HMCN1: variants seen among roughly 807,000 people sequenced by gnomAD.
The protein encoded by HMCN1 is hemicentin-1.
In HMCN1, 321 loss-of-function variants were observed where a neutral mutation model predicts 625.9. The observed-to-expected ratio is 0.51, with a 90% CI of 0.47 to 0.56. The LOEUF is 0.56. Ranked by LOEUF, HMCN1 falls within the 20% of genes least tolerant of loss-of-function variation. The probability of loss-of-function intolerance (pLI) is 0.00; values close to 1 mark genes in which losing one functional copy is unlikely to be tolerated. For synonymous variants in HMCN1, 2,425 were observed against 2,417.6 expected (o/e 1.00, Z -0.09); for missense variants, 6,588 against 6,887.3 (o/e 0.96, Z 1.54).
At chr1:186,001,501 C>T in intron 27 of HMCN1, 73 bp downstream of exon 27, 1 of 1,595,656 alleles carries the variant, frequency 6.3e-7, no homozygotes, top group Non-Finnish European at 8.6e-7. Context: ...ATGTTCATTT[C>T]TTACTACTAA....
rs1211280520 is a variant in HMCN1 at position 186,000,184 on chromosome 1, T to A, written c.4014T>A (p.Cys1338Ter). The change falls in exon 26 of 107, where the codon TGT (cysteine) becomes TGA (stop). Residue 1338 changes from cysteine (C) to a stop codon, truncating the protein, a stop_gained. Coordinates refer to ENST00000271588, the MANE Select transcript of HMCN1 (RefSeq NM_031935.3). LOFTEE classifies it high-confidence loss of function. ...VTPYDNGEYICVAVNEAGTTE... is the reference protein window; with the variant it reads ...VTPYDNGEYI ...CCTATGACAATGGGGAGTACATCTG[T>A]GTGGCAGTCAATGAAGCTGGAACCA... The A allele has an allele frequency of 1.2e-6, 2 of 1,613,108 alleles. No individual in the cohort carries two copies. The highest frequency in any genetic ancestry group is 1.7e-6 in the Non-Finnish European group (2 of 1,179,458).
At chr1:186,001,528 C>A in intron 27 of HMCN1, 66 bp from the exon 28 acceptor site, 1 of 1,601,874 alleles carries the variant, frequency 6.2e-7, no homozygotes, top group South Asian at 1.1e-5. Context: ...AAACATTCTA[C>A]TTCAATTTTT....
At chr1:186,047,698 C>T (rs1367399051) in intron 41 of HMCN1, among the ~76,000 whole-genome samples, 1 of 152,092 alleles carries the variant, frequency 6.6e-6, no homozygotes, top group Non-Finnish European at 1.5e-5. Flanking sequence ...CTGAGTGAGC[C>T]TGCCACGAAT....
intron 63 of HMCN1, among the ~76,000 whole-genome samples, chr1:186,089,945 G>A (rs375674689): frequency 5.3e-5 from 8 of 151,828 alleles, no homozygotes; most frequent in East Asian, 1.9e-4. Flanking sequence ...ACCATGATTC[G>A]TAGCCAATTG....
At chr1:185,959,407 C>T (rs1402054352) in intron 11 of HMCN1, among the ~76,000 whole-genome samples, 1 of 152,060 alleles carries the variant, frequency 6.6e-6, no homozygotes, top group Non-Finnish European at 1.5e-5. Context: ...CTAATCTGAC[C>T]ATTAATAGTG....
chr1:185,969,412 C>T (rs1207973227), intron 14 of HMCN1, among the ~76,000 whole-genome samples: 1 of 152,050 alleles, frequency 6.6e-6, no homozygotes, highest in African/African-American at 2.4e-5. Flanking sequence ...ATTATATAAG[C>T]AGAAAGAGAA....
intron 2 of HMCN1, among the ~76,000 whole-genome samples, chr1:185,851,678 A>G (rs1458706857): frequency 3.9e-5 from 6 of 152,134 alleles, no homozygotes; most frequent in Non-Finnish European, 5.9e-5. Context: ...CACATTCTTT[A>G]TAAGAAACTA....
chr1:186,093,538 A>C lies in HMCN1; in HGVS notation c.10065A>C (p.Leu3355Phe). 6.2e-7 allele frequency: 1 copy of C among 1,613,500 alleles called. No individual in the cohort carries two copies. Among genetic ancestry groups the C allele is most frequent in the South Asian group, 1.1e-5 (1 of 91,078 alleles). Residue 3355 changes from leucine (L) to phenylalanine (F), a missense_variant, in exon 66 of 107, where the codon TTA becomes TTC. Leu to Phe is a conservative substitution (Grantham distance 22, BLOSUM62 0). Around this residue, in one of 3 missense-constraint regions of HMCN1, gnomAD observed 4,628 missense variants for 4,853.1 expected, o/e 0.95. Transcript: ENST00000271588. ...ATGAAGCAGAGAAACTAATGACTTT[A>C]GTGGATACTTCAATAAATATTGAAT... Reference protein sequence around the residue: ...NKDEAEKLMTLVDTSINIECR... With the variant: ...NKDEAEKLMTFVDTSINIECR...
At chr1:185,811,610 T>G (rs56347630) in intron 1 of HMCN1, among the ~76,000 whole-genome samples, 6,269 of 143,614 alleles carry the variant, frequency 0.044, 428 homozygotes, top group African/African-American at 0.15. Flanking sequence ...AAAATAAAAA[T>G]AAAAAAAAAA....
chr1:185,759,420 A>G lies in HMCN1; in HGVS notation c.268+24373A>G, dbSNP rs1474239082. Among the ~76,000 whole-genome samples the G allele has an allele frequency of 4.6e-5, 7 of 152,294 alleles. 1 individual carries two copies. Among genetic ancestry groups the G allele is most frequent in the African/African-American group, 1.4e-4 (6 of 41,566 alleles). On this transcript the variant is annotated intron_variant, in intron 1 of 106. Transcript: ENST00000271588. ...AGCATGAAGGGTCATAAGTAAAGGGAGTCCTTTTGCATATGTTCTGTAGAT... is the reference window on the plus strand; with the variant it reads ...AGCATGAAGGGTCATAAGTAAAGGGGGTCCTTTTGCATATGTTCTGTAGAT...
At chr1:186,145,710 G>A in intron 92 of HMCN1, 43 bp from the exon 93 acceptor site, 2 of 1,613,892 alleles carry the variant, frequency 1.2e-6, no homozygotes, top group Non-Finnish European at 1.7e-6. Context: ...TGAAGATTTT[G>A]AAGCCAATTT....
rs1657772126 is a variant in HMCN1, at chr1:186,062,526, T to C, written c.7439T>C (p.Ile2480Thr). 1 of 1,608,050 alleles carries C rather than the reference T, an allele frequency of 6.2e-7. No homozygotes were observed. The highest frequency in any genetic ancestry group is 1.7e-5 in the Admixed American group (1 of 59,976). ...FGLSVLVPPH[I>T]VGENTLEDVK... is the part of the protein sequence containing the mutation. Reference sequence around the variant, plus strand: ...TGTTGTTTTTTAGTACCACCTCATATTGTGGGTGAAAATACATTGGAAGAT... The same window carrying C: ...TGTTGTTTTTTAGTACCACCTCATACTGTGGGTGAAAATACATTGGAAGAT... The change falls in exon 48 of 107, where the codon ATT becomes ACT. Residue 2480 changes from isoleucine (I) to threonine (T), a missense_variant. Physicochemically the swap from Ile to Thr is moderately conservative, Grantham distance 89. This residue lies in a region of HMCN1 where 4,628 missense variants were observed against 4,853.1 expected (regional missense o/e 0.95). Transcript: ENST00000271588.
At chr1:186,160,015 C>A (rs1252417885) in intron 97 of HMCN1, among the ~76,000 whole-genome samples, 1 of 150,794 alleles carries the variant, frequency 6.6e-6, no homozygotes, top group African/African-American at 2.4e-5. Flanking sequence ...CCTCCTTGTA[C>A]CTCTGGTAGA....
intron 1 of HMCN1, among the ~76,000 whole-genome samples, chr1:185,810,518 A>G (rs530326839): frequency 3.3e-5 from 5 of 152,300 alleles, no homozygotes; most frequent in African/African-American, 1.2e-4. Context: ...ACCTGAACAT[A>G]GGTAGTTTTT....
At chr1:186,155,241 G>T (rs879306900) in intron 97 of HMCN1, among the ~76,000 whole-genome samples, 2 of 152,052 alleles carry the variant, frequency 1.3e-5, no homozygotes, top group East Asian at 3.9e-4. Context: ...TAGTAATCTG[G>T]AAGTACAAGC....
chr1:185,768,775 A>G (rs73058401), intron 1 of HMCN1, among the ~76,000 whole-genome samples: 13,528 of 152,110 alleles, frequency 0.089, 1,910 homozygotes, highest in African/African-American at 0.3. Context: ...GTAGGACCCC[A>G]TCTCTATTTA....
At position 186,020,597 on chromosome 1, in the gene HMCN1, G is replaced by A. The variant is rs184388239; in HGVS notation, c.5625+902G>A. Among the ~76,000 whole-genome samples the A allele has an allele frequency of 2.0e-3, 299 of 152,142 alleles. 1 individual carries two copies. The highest frequency in any genetic ancestry group is 0.015 in the South Asian group (70 of 4,824). On this transcript the variant is annotated intron_variant, in intron 35 of 106. Coordinates refer to ENST00000271588, the MANE Select transcript of HMCN1 (RefSeq NM_031935.3). Reference sequence around the variant, plus strand: ...TCATACAAAAGTAGGATTGCAAACCGTAATGAATGATGCTAAGAGAAAACC... The same window carrying A: ...TCATACAAAAGTAGGATTGCAAACCATAATGAATGATGCTAAGAGAAAACC...
At chr1:185,766,670 T>G (rs1040382247) in intron 1 of HMCN1, among the ~76,000 whole-genome samples, 3 of 152,168 alleles carry the variant, frequency 2.0e-5, no homozygotes, top group African/African-American at 7.2e-5. Context: ...GAATTTAGTT[T>G]AAGGTTGTTC....
At chr1:186,119,700 T>G (rs1400656761) in intron 78 of HMCN1, 45 bp from the exon 79 acceptor site, 2 of 1,597,254 alleles carry the variant, frequency 1.3e-6, no homozygotes, top group Non-Finnish European at 1.7e-6. Flanking sequence ...ACATGGTTTA[T>G]TAACTAGTGC....
Sources: allele counts gnomAD v4.1 joint callset (sites outside exome capture counted in the v4.1 genomes callset), GRCh38; gene constraint gnomAD v4.1.1; regional missense constraint gnomAD v4.1.1; transcripts MANE v1.5; gene names NCBI Gene and HGNC (gene_info 2026-07-23, HGNC 2026-07-21).